The following CCND2 variants were observed in gnomAD, a reference collection of about 807,000 sequenced individuals.
CCND2 encodes cyclin D2, also known as G1/S-specific cyclin-D2.
A neutral mutation model predicts 30.2 loss-of-function variants in CCND2; 6 were observed. The ratio of observed to expected loss-of-function variants is 0.20; its 90% CI spans 0.11 to 0.39. The LOEUF is 0.39. Ranked by LOEUF, CCND2 falls within the 10% of genes least tolerant of loss-of-function variation. The pLI is 1.00. For synonymous variants in CCND2, 150 were observed against 153.1 expected, an observed-to-expected ratio of 0.98 and a Z score of 0.15; for missense variants, 235 against 373.4, an observed-to-expected ratio of 0.63 and a Z score of 3.06.
At chr12:4,281,938 G>A (rs1475328019) in intron 3 of CCND2, among the ~76,000 whole-genome samples, 1 of 149,888 alleles carries the variant, frequency 6.7e-6, no homozygotes, top group East Asian at 1.9e-4. Context: ...GCAGGTCCTG[G>A]GCAGTGCAGG....
Position 4,285,169 on chromosome 12 carries a change from G to A in CCND2, c.572-3673G>A, listed in dbSNP as rs1032259542. On this transcript the variant is annotated intron_variant, in intron 3 of 4. Coordinates refer to ENST00000261254, the MANE Select transcript of CCND2 (RefSeq NM_001759.4). This position sits in a 1 kb window ranked among gnomAD's most constrained non-coding sequence, Gnocchi z 4.1. ...GCCTTAAGAAGTCTGAATATTGTAC[G>A]TTTTGGGGGGAGTCCTCCATGCTGC... 8 of 352,546 alleles carry A rather than the reference G, an allele frequency of 2.3e-5. No homozygotes were observed. Among genetic ancestry groups the A allele is most frequent in the South Asian group, 2.3e-4 (2 of 8,650 alleles). The allele number at this position is 352,546 out of a possible 1,614,324, so 21.8% of individuals were successfully genotyped here.
rs530949406 is a variant in CCND2 at position 4,276,282 on chromosome 12, A to G, written c.411+62A>G. 5.7e-6 allele frequency: 8 copies of G among 1,402,486 alleles called. No individual in the cohort carries two copies. The East Asian group carries it at 1.9e-4, about 34-fold the overall frequency. 86.9% of individuals were successfully genotyped at this position (1,402,486 alleles called of 1,614,324 possible). ...TTCCCGCTTTCCCCTGGCCAACAAT[A>G]TGCCTTCTATCACCACTGCCAGAGC... On this transcript the variant is annotated intron_variant, in intron 2 of 4. Coordinates refer to ENST00000261254, the MANE Select transcript of CCND2 (RefSeq NM_001759.4). This position sits in a 1 kb window ranked among gnomAD's most constrained non-coding sequence, Gnocchi z 4.8.
In CCND2 at chr12:4,304,289, G is replaced by C. The variant is rs1017772370; in HGVS notation, c.*4280G>C. 4.3e-6 allele frequency: 1 copy of C among 233,522 alleles called. No homozygotes were observed. The highest frequency in any genetic ancestry group is 2.2e-5 in the African/African-American group (1 of 45,336). The allele number at this position is 233,522 out of a possible 1,614,324, so 14.5% of individuals were successfully genotyped here. On this transcript the variant is annotated 3_prime_UTR_variant, in exon 5 of 5. Coordinates refer to ENST00000261254, the MANE Select transcript of CCND2 (RefSeq NM_001759.4). The surrounding 1 kb of genome is among the most constrained non-coding windows in gnomAD (Gnocchi z 6.2). ...AGCCAGTTGGCTTCTAAGCCAAAAG[G>C]ATTCCTCTTTGTTTATCTCTGAGAC...
Position 4,293,331 on chromosome 12 carries a change from C to G in CCND2, c.720+4341C>G, listed in dbSNP as rs1864124747. Reference sequence around the variant, plus strand: ...CAAGATACTTAACAGAAGAAAGACTCTAGTCATCTGTTCCTTATATTTATC... The same window carrying G: ...CAAGATACTTAACAGAAGAAAGACTGTAGTCATCTGTTCCTTATATTTATC... On this transcript the variant is annotated intron_variant, in intron 4 of 4. Transcript: ENST00000261254. This position sits in a 1 kb window ranked among gnomAD's most constrained non-coding sequence, Gnocchi z 4.9. Among the ~76,000 whole-genome samples, 1 of 152,206 alleles carries G rather than the reference C, an allele frequency of 6.6e-6. No homozygotes were observed. Among genetic ancestry groups the G allele is most frequent in the African/African-American group, 2.4e-5 (1 of 41,438 alleles).
chr12:4,297,709 C>T (rs1864193578), intron 4 of CCND2: 1 of 235,890 alleles, frequency 4.2e-6, no homozygotes, highest in African/African-American at 2.2e-5. Context: ...AAGAGCCGAA[C>T]AGGGATGAGG....
chr12:4,274,354 G>A lies in CCND2; in HGVS notation c.195+119G>A. The A allele has an allele frequency of 9.5e-7, 1 of 1,053,234 alleles. No individual in the cohort carries two copies. Among genetic ancestry groups the A allele is most frequent in the Non-Finnish European group, 1.4e-6 (1 of 711,838 alleles). 65.2% of individuals were successfully genotyped at this position (1,053,234 alleles called of 1,614,324 possible). On this transcript the variant is annotated intron_variant, in intron 1 of 4. Transcript: ENST00000261254. This position sits in a 1 kb window ranked among gnomAD's most constrained non-coding sequence, Gnocchi z 7.7. ...GCGCCGGCCTCCCGGCTCCTGTGCG[G>A]GAGTTTACCGCGCGCCTTCTGGCGA... is the stretch of plus-strand genomic sequence containing the variant.
chr12:4,278,665 C>T, intron 2 of CCND2, 95 bp from the exon 3 acceptor site: 1 of 1,332,386 alleles, frequency 7.5e-7, no homozygotes, highest in Non-Finnish European at 1.0e-6. Flanking sequence ...AATGAGCGGC[C>T]TTAAAACTGG....
At chr12:4,279,116 C>T (rs904937023) in intron 3 of CCND2, among the ~76,000 whole-genome samples, 197 bp downstream of exon 3, 3 of 152,148 alleles carry the variant, frequency 2.0e-5, no homozygotes, top group Non-Finnish European at 4.4e-5. Flanking sequence ...GCTTTCTCTG[C>T]TAAACTCATA....
chr12:4,298,404 T>C (rs1864203730), intron 4 of CCND2, among the ~76,000 whole-genome samples: 1 of 152,212 alleles, frequency 6.6e-6, no homozygotes, highest in African/African-American at 2.4e-5. Context: ...TCCAGCTTTA[T>C]TTTGTTTATT....
At chr12:4,286,490 T>C (rs1246671166) in intron 3 of CCND2, among the ~76,000 whole-genome samples, 2 of 152,182 alleles carry the variant, frequency 1.3e-5, no homozygotes, top group African/African-American at 4.8e-5. Flanking sequence ...GTCTTCTGTG[T>C]AGCGGGCAAC....
rs3217934 is a variant in CCND2 at position 4,305,045 on chromosome 12, A to G, written c.*5036A>G. ...ACAAGTGTGATGCCATATCAAGTCC[A>G]TGTTATTCTCTCACAGTGTACTCTA... On this transcript the variant is annotated 3_prime_UTR_variant, in exon 5 of 5. Coordinates refer to ENST00000261254, the MANE Select transcript of CCND2 (RefSeq NM_001759.4). This position sits in a 1 kb window ranked among gnomAD's most constrained non-coding sequence, Gnocchi z 6.4. The G allele has an allele frequency of 8.2e-4, 186 of 226,942 alleles. 1 individual carries two copies. In the East Asian group the frequency reaches 9.9e-3, roughly 12 times the overall value. The allele number at this position is 226,942 out of a possible 1,614,324, so 14.1% of individuals were successfully genotyped here.
chr12:4,294,355 G>A (rs1682995541), intron 4 of CCND2, among the ~76,000 whole-genome samples: 1 of 152,050 alleles, frequency 6.6e-6, no homozygotes. Context: ...GCGCGGTAGG[G>A]TACCACCTGT....
At chr12:4,290,329 A>T (rs1362271234) in intron 4 of CCND2, among the ~76,000 whole-genome samples, 1 of 152,134 alleles carries the variant, frequency 6.6e-6, no homozygotes, top group African/African-American at 2.4e-5. Context: ...CTCCAAACAT[A>T]CGCTTTTTAA....
In CCND2 at chr12:4,304,417, C is replaced by G. The variant is rs1259120204; in HGVS notation, c.*4408C>G. 1 of 233,578 alleles carries G rather than the reference C, an allele frequency of 4.3e-6. No individual in the cohort carries two copies. Among genetic ancestry groups the G allele is most frequent in the Non-Finnish European group, 8.5e-6 (1 of 118,042 alleles). 14.5% of individuals were successfully genotyped at this position (233,578 alleles called of 1,614,324 possible). A position where few individuals can be genotyped will look rare whatever the true frequency, so the allele number is the denominator to read the frequency against. ...GTAGCTATAGAATGAGTGCAGGTTT[C>G]TATTGGTGTGGACTCAGAGCAATTT... is the stretch of plus-strand genomic sequence containing the variant. On this transcript the variant is annotated 3_prime_UTR_variant, in exon 5 of 5. Transcript: ENST00000261254. This position sits in a 1 kb window ranked among gnomAD's most constrained non-coding sequence, Gnocchi z 6.2.
At chr12:4,288,480 G>C (rs1864053150) in intron 3 of CCND2, among the ~76,000 whole-genome samples, 1 of 152,106 alleles carries the variant, frequency 6.6e-6, no homozygotes, top group African/African-American at 2.4e-5. Flanking sequence ...CTCTAGAGGA[G>C]ACTATGACTC....
At position 4,302,297 on chromosome 12, in the gene CCND2, A is replaced by T. The variant is rs1376394121; in HGVS notation, c.*2288A>T. ...TTCAAGGCAGACGTTCAGTACAAAC[A>T]TTTATGCGGTAGGCTCAGATGTCGT... On this transcript the variant is annotated 3_prime_UTR_variant, in exon 5 of 5. Transcript: ENST00000261254. 1 of 232,978 alleles carries T rather than the reference A, an allele frequency of 4.3e-6. No individual in the cohort carries two copies. Among genetic ancestry groups the T allele is most frequent in the Non-Finnish European group, 8.5e-6 (1 of 117,894 alleles). 14.4% of individuals were successfully genotyped at this position (232,978 alleles called of 1,614,324 possible).
chr12:4,304,098 C>CT lies in CCND2; in HGVS notation c.*4090dup, dbSNP rs769167886. 5.1e-5 allele frequency: 12 copies of CT among 233,242 alleles called. No homozygotes were observed. Among genetic ancestry groups the CT allele is most frequent in the Non-Finnish European group, 1.0e-4 (12 of 118,084 alleles). 14.4% of individuals were successfully genotyped at this position (233,242 alleles called of 1,614,324 possible). A position where few individuals can be genotyped will look rare whatever the true frequency, so the allele number is the denominator to read the frequency against. ...GAACATAAGGCAGGATCAGATGACT[C>CT]TCTCCAAGAGGGCAGGGGAATTTTC... is the stretch of plus-strand genomic sequence containing the variant. On this transcript the variant is annotated 3_prime_UTR_variant, in exon 5 of 5. Transcript: ENST00000261254. This position sits in a 1 kb window ranked among gnomAD's most constrained non-coding sequence, Gnocchi z 6.2.
Position 4,301,760 on chromosome 12 carries a change from GT to G in CCND2, c.*1754del, listed in dbSNP as rs1334347483. ...CACGTTGACAGTACCTAGCTGTAAT[GT>G]TTCACAGAGTGTGCTGCTATTTTAT... is the stretch of plus-strand genomic sequence containing the variant. On this transcript the variant is annotated 3_prime_UTR_variant, in exon 5 of 5. Transcript: ENST00000261254. The G allele has an allele frequency of 5.9e-6, 1 of 168,230 alleles. No individual in the cohort carries two copies. The highest frequency in any genetic ancestry group is 2.5e-5 in the African/African-American group (1 of 40,588). The allele number at this position is 168,230 out of a possible 1,614,324, so 10.4% of individuals were successfully genotyped here.
intron 4 of CCND2, among the ~76,000 whole-genome samples, chr12:4,291,979 A>T (rs1864107253): frequency 6.6e-6 from 1 of 152,178 alleles, no homozygotes. Flanking sequence ...TTAGTGTTTA[A>T]TGCGTACGGA....
Sources: gnomAD v4.1 joint callset for allele counts (sites outside exome capture counted in the v4.1 genomes callset) on GRCh38, gnomAD v4.1.1 for gene constraint, Gnocchi (gnomAD v3.1) non-coding constraint, MANE v1.5 for transcripts, NCBI Gene and HGNC (gene_info 2026-07-23, HGNC 2026-07-21) for gene names.